Variants in ANKS1B observed in about 807,000 individuals in gnomAD.
ANKS1B encodes the protein ankyrin repeat and sterile alpha motif domain-containing protein 1B.
A neutral mutation model predicts 148.3 loss-of-function variants in ANKS1B; 36 were observed. The ratio of observed to expected loss-of-function variants is 0.24; its 90% CI spans 0.19 to 0.32. The LOEUF (loss-of-function observed/expected upper bound fraction) is 0.32. Among genes scored for constraint, ANKS1B ranks in the 10% least tolerant of loss-of-function variants. The probability of loss-of-function intolerance (pLI) is 1.00; values close to 1 mark genes in which losing one functional copy is unlikely to be tolerated. For synonymous variants in ANKS1B, 542 were observed against 560.8 expected (o/e 0.97, Z 0.47); for missense variants, 1,157 against 1,542.6 (o/e 0.75, Z 4.19).
At chr12:99,881,592 C>T (rs913416417) in intron 1 of ANKS1B, among the ~76,000 whole-genome samples, 3 of 152,176 alleles carry the variant, frequency 2.0e-5, no homozygotes, top group Admixed American at 1.3e-4. Flanking sequence ...TCCTGAGCTG[C>T]ACATACAGAG....
intron 15 of ANKS1B, among the ~76,000 whole-genome samples, chr12:99,130,666 T>C (rs1357330209): frequency 6.6e-6 from 1 of 152,140 alleles, no homozygotes; most frequent in African/African-American, 2.4e-5. Context: ...GTGTGCTTAC[T>C]CCCCACATTT....
intron 17 of ANKS1B, among the ~76,000 whole-genome samples, chr12:98,939,889 C>T (rs185334300): frequency 6.6e-6 from 1 of 152,322 alleles, no homozygotes; most frequent in Admixed American, 6.5e-5. Context: ...GTACTACTGA[C>T]TTTTTCTCAC....
intron 1 of ANKS1B, among the ~76,000 whole-genome samples, chr12:99,864,223 C>T (rs183884382): frequency 6.6e-6 from 1 of 152,252 alleles, no homozygotes; most frequent in East Asian, 1.9e-4. Context: ...CTCTTTATCC[C>T]CAATTCATTA....
At chr12:98,859,901 T>C (rs940871626) in intron 17 of ANKS1B, among the ~76,000 whole-genome samples, 5 of 152,338 alleles carry the variant, frequency 3.3e-5, no homozygotes, top group Non-Finnish European at 7.4e-5. Flanking sequence ...TTCACATCCC[T>C]GTTTTGGGCT....
intron 9 of ANKS1B, among the ~76,000 whole-genome samples, chr12:99,525,746 T>A (rs1420542388): frequency 6.6e-6 from 1 of 152,180 alleles, no homozygotes; most frequent in African/African-American, 2.4e-5. Flanking sequence ...ATATTTGTTA[T>A]AATAATCTTG....
intron 19 of ANKS1B, among the ~76,000 whole-genome samples, chr12:98,823,106 G>C (rs775513553): frequency 6.6e-6 from 1 of 152,220 alleles, no homozygotes; most frequent in Non-Finnish European, 1.5e-5. Flanking sequence ...CCACTTTTGT[G>C]TTGGTCATAG....
chr12:99,456,458 C>T (rs907287748), intron 10 of ANKS1B, among the ~76,000 whole-genome samples: 2 of 151,982 alleles, frequency 1.3e-5, no homozygotes, highest in Non-Finnish European at 2.9e-5. Flanking sequence ...TTCAGAAGGT[C>T]GACTACTGAG....
chr12:99,696,327 T>G (rs893919446), intron 8 of ANKS1B, among the ~76,000 whole-genome samples: 2 of 152,156 alleles, frequency 1.3e-5, no homozygotes, highest in Non-Finnish European at 2.9e-5. Flanking sequence ...TCCTACTCGA[T>G]TTCAAGGTGT....
intron 19 of ANKS1B, among the ~76,000 whole-genome samples, chr12:98,809,741 G>A (rs1327960017): frequency 2.6e-5 from 4 of 152,120 alleles, no homozygotes; most frequent in Non-Finnish European, 4.4e-5. Context: ...CCCCCTCACC[G>A]ACTGAACGGA....
intron 24 of ANKS1B, among the ~76,000 whole-genome samples, 158 bp downstream of exon 24, chr12:98,780,959 A>T (rs1473120006): frequency 6.6e-6 from 1 of 152,106 alleles, no homozygotes; most frequent in Non-Finnish European, 1.5e-5. Context: ...GTGTGTGTAC[A>T]TGAGCGTGTA....
intron 9 of ANKS1B, among the ~76,000 whole-genome samples, chr12:99,595,953 T>G (rs901245000): frequency 2.6e-5 from 4 of 151,908 alleles, no homozygotes; most frequent in Non-Finnish European, 5.9e-5. Context: ...GTGATATCAA[T>G]TTAAATAGAT....
chr12:98,778,830 A>G (rs2098706116), intron 24 of ANKS1B, among the ~76,000 whole-genome samples: 1 of 152,062 alleles, frequency 6.6e-6, no homozygotes, highest in Non-Finnish European at 1.5e-5. Context: ...CAATCTCTCT[A>G]CTTGGGCTCC....
chr12:99,555,823 G>T (rs2097270290), intron 9 of ANKS1B, among the ~76,000 whole-genome samples: 1 of 152,140 alleles, frequency 6.6e-6, no homozygotes, highest in Admixed American at 6.6e-5. Flanking sequence ...ATGTGCTGCT[G>T]AATTTGGTTT....
At chr12:99,418,567 G>A (rs1024456397) in intron 11 of ANKS1B, among the ~76,000 whole-genome samples, 1 of 152,042 alleles carries the variant, frequency 6.6e-6, no homozygotes, top group Non-Finnish European at 1.5e-5. Context: ...GGATTTCTAC[G>A]AAGACAATCA....
At chr12:98,964,561 C>T (rs898736655) in intron 17 of ANKS1B, among the ~76,000 whole-genome samples, 1 of 152,162 alleles carries the variant, frequency 6.6e-6, no homozygotes, top group Non-Finnish European at 1.5e-5. Context: ...CCCAAATGTT[C>T]ATCAACAGAT....
At chr12:98,966,414 G>A (rs1416460722) in intron 17 of ANKS1B, among the ~76,000 whole-genome samples, 1 of 152,210 alleles carries the variant, frequency 6.6e-6, no homozygotes, top group East Asian at 1.9e-4. Flanking sequence ...TGCCGGAGAG[G>A]CTGTGGAGAA....
chr12:99,712,624 T>A (rs1461834930), intron 8 of ANKS1B, among the ~76,000 whole-genome samples: 1 of 152,240 alleles, frequency 6.6e-6, no homozygotes, highest in Admixed American at 6.5e-5. Context: ...AGGCTCTGGA[T>A]ATAATCTATC....
At chr12:99,363,405 C>T (rs1480203961) in intron 12 of ANKS1B, among the ~76,000 whole-genome samples, 1 of 152,038 alleles carries the variant, frequency 6.6e-6, no homozygotes, top group Non-Finnish European at 1.5e-5. Context: ...CTATGATTAA[C>T]AAATGACATG....
chr12:99,630,548 G>A (rs1212231222), intron 9 of ANKS1B, among the ~76,000 whole-genome samples: 1 of 152,144 alleles, frequency 6.6e-6, no homozygotes, highest in Non-Finnish European at 1.5e-5. Context: ...CAAGCTAATT[G>A]ACTTCTCTGT....
Sources: allele counts gnomAD v4.1 joint callset (sites outside exome capture counted in the v4.1 genomes callset), GRCh38; gene constraint gnomAD v4.1.1; transcripts MANE v1.5; gene names NCBI Gene and HGNC (gene_info 2026-07-23, HGNC 2026-07-21).